PHRF1: variants seen among roughly 807,000 people sequenced by gnomAD.
PHRF1 encodes the protein PHD and ring finger domains 1.
A neutral mutation model predicts 128.9 loss-of-function variants in PHRF1; 53 were observed. The ratio of observed to expected loss-of-function variants is 0.41; its 90% confidence interval spans 0.33 to 0.52. PHRF1 has a LOEUF of 0.52. Ranked by LOEUF, PHRF1 falls within the 20% of genes least tolerant of loss-of-function variation. The probability of loss-of-function intolerance (pLI) is 0.21; values close to 1 mark genes in which losing one functional copy is unlikely to be tolerated. For missense variants in PHRF1, 2,503 were observed against 2,284.5 expected (o/e 1.10, Z -1.95); for synonymous variants, 1,178 against 980.6 (o/e 1.20, Z -3.76).
rs778735171 is a variant in PHRF1, at chr11:607,107, G to A, written c.1651G>A (p.Gly551Arg). The change falls in exon 14 of 18, where the codon GGG becomes AGG. Residue 551 changes from glycine to arginine, a missense_variant. Gly to Arg is a moderately radical substitution (Grantham distance 125). Transcript: ENST00000264555. ...GCGAAACTCAGGCAGTCTGTCCAGA[G>A]GGGAAGAAGGATTCAAGGGCTGCCT... ...FQRNSGSLSR[G>R]EEGFKGCLQP... 2 of 1,608,206 alleles carry A rather than the reference G, an allele frequency of 1.2e-6. No homozygotes were observed. The highest frequency in any genetic ancestry group is 2.2e-5 in the South Asian group (2 of 90,954).
Position 606,477 on chromosome 11 carries a change from TGGA to T in PHRF1, c.1498_1500del (p.Glu500del). On this transcript the variant is annotated inframe_deletion, in exon 13 of 18. Coordinates refer to ENST00000264555, the MANE Select transcript of PHRF1 (RefSeq NM_001286581.2). ...CCTGCCGCGGTGCCAGAGCCAGACTTGGAGGAGGAGCCAGTGCCTGACCTGCTG... is the reference window on the plus strand; with the variant it reads ...CCTGCCGCGGTGCCAGAGCCAGACTTGGAGGAGCCAGTGCCTGACCTGCTG... The T allele has an allele frequency of 6.3e-7, 1 of 1,590,086 alleles. No homozygotes were observed.
chr11:594,333 G>T (rs1451257031), intron 6 of PHRF1, among the ~76,000 whole-genome samples: 3 of 152,250 alleles, frequency 2.0e-5, no homozygotes, highest in African/African-American at 7.2e-5. Context: ...GCAGGCCAGG[G>T]CCGTGAGCCT....
chr11:609,692 C>T lies in PHRF1; in HGVS notation c.4236C>T (p.Ser1412=). 3 of 1,513,040 alleles carry T rather than the reference C, an allele frequency of 2.0e-6. No individual in the cohort carries two copies. The highest frequency in any genetic ancestry group is 2.6e-6 in the Non-Finnish European group (3 of 1,133,524). 93.7% of individuals were successfully genotyped at this position (1,513,040 alleles called of 1,614,324 possible). A position where few individuals can be genotyped will look rare whatever the true frequency, so the allele number is the denominator to read the frequency against. The stretch of plus-strand genomic sequence containing the variant: ...CCTGGAACCTGCAGGAGTCGGAGAG[C>T]AGCGCCCCCGCCGAGGACAGAGCCC... ...RVTWNLQESE[S]SAPAEDRAPR... is the part of the protein sequence containing the mutation. Residue 1412 remains serine (S), a synonymous_variant, in exon 14 of 18, where the codon AGC becomes AGT. Coordinates refer to ENST00000264555, the MANE Select transcript of PHRF1 (RefSeq NM_001286581.2).
At chr11:602,759 TTGTTTTTTTTG>T in intron 10 of PHRF1, among the ~76,000 whole-genome samples, 3 of 140,112 alleles carry the variant, frequency 2.1e-5, no homozygotes, top group African/African-American at 9.7e-5. Context: ...GGTTTTGTTT[TTGTTTTTTTTG>T]TTTTTTTTTT....
chr11:611,263 G>T (rs901877299), intron 17 of PHRF1, among the ~76,000 whole-genome samples, 181 bp downstream of exon 17: 1 of 152,180 alleles, frequency 6.6e-6, no homozygotes, highest in East Asian at 1.9e-4. Context: ...GTTCGCCTGT[G>T]GCTGCCCCTG....
chr11:596,691 T>C (rs1855299249), intron 6 of PHRF1, among the ~76,000 whole-genome samples: 1 of 152,234 alleles, frequency 6.6e-6, no homozygotes. Flanking sequence ...TCACCTGGCC[T>C]TCCCTCATCT....
intron 3 of PHRF1, among the ~76,000 whole-genome samples, chr11:583,126 G>A (rs1014649835): frequency 1.3e-5 from 2 of 151,644 alleles, no homozygotes; most frequent in South Asian, 2.1e-4. Context: ...GGATCAGGAG[G>A]TCAGGAGATC....
At chr11:595,183 C>T (rs1319115344) in intron 6 of PHRF1, among the ~76,000 whole-genome samples, 3 of 152,102 alleles carry the variant, frequency 2.0e-5, no homozygotes, top group African/African-American at 4.8e-5. Flanking sequence ...ATTGGCCGGG[C>T]GTGGTGGTTC....
At chr11:610,169 C>T (rs1476269525) in intron 14 of PHRF1, 27 bp from the exon 15 acceptor site, 2 of 1,480,392 alleles carry the variant, frequency 1.4e-6, no homozygotes, top group African/African-American at 1.4e-5. Context: ...CACAGAGCAC[C>T]CACCTCCCTG....
Position 597,156 on chromosome 11 carries a change from G to A in PHRF1, c.718+136G>A. On this transcript the variant is annotated intron_variant, in intron 7 of 17. Coordinates refer to ENST00000264555, the MANE Select transcript of PHRF1 (RefSeq NM_001286581.2). The surrounding 1 kb of genome is among the most constrained non-coding windows in gnomAD (Gnocchi z 6.5). ...CATGGGGGTTAGGGTTGGCTGCGGT[G>A]TCGGGAGGACATCTAGGGCTGTCTC... is the stretch of plus-strand genomic sequence containing the variant. 6 of 1,037,012 alleles carry A rather than the reference G, an allele frequency of 5.8e-6. No individual in the cohort carries two copies. Among genetic ancestry groups the A allele is most frequent in the Non-Finnish European group, 7.0e-6 (5 of 711,672 alleles). The allele number at this position is 1,037,012 out of a possible 1,614,324, so 64.2% of individuals were successfully genotyped here. A position where few individuals can be genotyped will look rare whatever the true frequency, so the allele number is the denominator to read the frequency against.
chr11:603,732 T>G (rs924474950), intron 10 of PHRF1, among the ~76,000 whole-genome samples: 1 of 137,718 alleles, frequency 7.3e-6, no homozygotes, highest in East Asian at 2.0e-4. Context: ...TAAGTTTGTT[T>G]TTTTTTTTTT....
intron 5 of PHRF1, 74 bp downstream of exon 5, chr11:591,541 A>C: frequency 7.9e-7 from 1 of 1,261,566 alleles, no homozygotes; most frequent in Non-Finnish European, 1.1e-6. Context: ...CATGCTTTCC[A>C]AAGTGGGCTT....
In PHRF1 at chr11:582,033, G is replaced by C. The variant is rs376068613; in HGVS notation, c.166G>C (p.Gly56Arg). ...CAGCGAGCATGGAGATGGCACAGAC[G>C]GAGAAGACGAGGGGGCGTCTGAGGA... ...SDSEHGDGTD[G>R]EDEGASEEED... Residue 56 changes from glycine to arginine, a missense_variant, in exon 3 of 18, where the codon GGA becomes CGA. Transcript: ENST00000264555. The C allele has an allele frequency of 1.2e-6, 2 of 1,607,482 alleles. No individual in the cohort carries two copies. Among genetic ancestry groups the C allele is most frequent in the Admixed American group, 3.4e-5 (2 of 59,066 alleles).
In PHRF1 at chr11:597,679, C is replaced by T. The variant is rs1855378757; in HGVS notation, c.894+109C>T. The stretch of plus-strand genomic sequence containing the variant: ...CGTCGGCACTGTGGGGTCCGCCCGG[C>T]CCCGGTGGCTCATGTTGTTCGGCCT... On this transcript the variant is annotated intron_variant, in intron 8 of 17. Coordinates refer to ENST00000264555, the MANE Select transcript of PHRF1 (RefSeq NM_001286581.2). This position sits in a 1 kb window ranked among gnomAD's most constrained non-coding sequence, Gnocchi z 6.5. 2.2e-6 allele frequency: 3 copies of T among 1,360,094 alleles called. No individual in the cohort carries two copies. The highest frequency in any genetic ancestry group is 3.0e-6 in the Non-Finnish European group (3 of 1,005,786). The allele number at this position is 1,360,094 out of a possible 1,614,324, so 84.3% of individuals were successfully genotyped here. A position where few individuals can be genotyped will look rare whatever the true frequency, so the allele number is the denominator to read the frequency against.
rs752668393 is a variant in PHRF1, at chr11:608,765, C to T, written c.3309C>T (p.His1103=). 4 of 1,611,656 alleles carry T rather than the reference C, an allele frequency of 2.5e-6. No homozygotes were observed. Among genetic ancestry groups the T allele is most frequent in the Admixed American group, 1.7e-5 (1 of 59,914 alleles). The part of the protein sequence containing the change: ...SGSPGSSSYE[H]YESRKKKKRR... ...GCCCTGGCAGCTCTTCCTATGAGCA[C>T]TATGAGAGTAGGAAGAAGAAGAAAA... Residue 1103 remains histidine (H), a synonymous_variant, in exon 14 of 18, where the codon CAC becomes CAT. Transcript: ENST00000264555.
At chr11:603,729 GTTTTTTTTT>G (rs71022937) in intron 10 of PHRF1, among the ~76,000 whole-genome samples, 4 of 78,228 alleles carry the variant, frequency 5.1e-5, no homozygotes, top group Non-Finnish European at 6.8e-5. Context: ...ATTTAAGTTT[GTTTTTTTTT>G]TTTTTTTTTT....
At position 605,257 on chromosome 11, in the gene PHRF1, C is replaced by G. The variant is rs1305852794; in HGVS notation, c.1291C>G (p.Leu431Val). ...LLRADIGAASLSLFGDPYELD... is the reference protein window; with the variant it reads ...LLRADIGAASVSLFGDPYELD... ...GAGAGCGGATATTGGAGCTGCCTCT[C>G]TGTCTCTGTTTGGAGATCCTTATGA... The change falls in exon 11 of 18, where the codon CTG becomes GTG. Residue 431 changes from leucine to valine, a missense_variant. By Grantham distance (32) the Leu-to-Val change is conservative (BLOSUM62 1). Coordinates refer to ENST00000264555, the MANE Select transcript of PHRF1 (RefSeq NM_001286581.2). The G allele has an allele frequency of 6.2e-7, 1 of 1,613,712 alleles. No homozygotes were observed. The highest frequency in any genetic ancestry group is 1.1e-5 in the South Asian group (1 of 91,080).
At chr11:593,696 C>T (rs556399348) in intron 6 of PHRF1, among the ~76,000 whole-genome samples, 73 of 152,320 alleles carry the variant, frequency 4.8e-4, no homozygotes, top group Middle Eastern at 3.4e-3. Context: ...CGTCAGTTCG[C>T]CCTCCTCCTC....
rs1856431226 is a variant in PHRF1 at position 611,909 on chromosome 11, G to A, written c.*132G>A. On this transcript the variant is annotated 3_prime_UTR_variant, in exon 18 of 18. Coordinates refer to ENST00000264555, the MANE Select transcript of PHRF1 (RefSeq NM_001286581.2). The stretch of plus-strand genomic sequence containing the variant: ...GAGCTGTCGGGAGTGGCGGGAAATG[G>A]GGGGCATCACCATGCCTGCCGTCGG... 7.1e-7 allele frequency: 1 copy of A among 1,417,584 alleles called. No homozygotes were observed. The allele number at this position is 1,417,584 out of a possible 1,614,324, so 87.8% of individuals were successfully genotyped here.
Sources: allele counts gnomAD v4.1 joint callset (sites outside exome capture counted in the v4.1 genomes callset), GRCh38; gene constraint gnomAD v4.1.1; non-coding constraint Gnocchi (gnomAD v3.1); transcripts MANE v1.5; gene names NCBI Gene and HGNC (gene_info 2026-07-23, HGNC 2026-07-21).